PRKG1: variants seen among roughly 807,000 people sequenced by gnomAD.
The protein encoded by PRKG1 is cGMP-dependent protein kinase 1.
Under a neutral mutation model 88.1 loss-of-function variants are expected in PRKG1, and 35 were observed. The ratio of observed to expected loss-of-function variants is 0.40; its 90% CI spans 0.30 to 0.53. The LOEUF (loss-of-function observed/expected upper bound fraction) is 0.53, where lower values mean the gene tolerates loss of function less well. PRKG1 is among the 20% of genes least tolerant of loss of function. The pLI, the probability that PRKG1 is intolerant of heterozygous loss-of-function variation, is 0.59. For missense variants in PRKG1, 540 were observed against 839.8 expected, an observed-to-expected ratio of 0.64 and a Z score of 4.41; for synonymous variants, 303 against 292.5, an observed-to-expected ratio of 1.04 and a Z score of -0.37.
chr10:51,683,539 C>T (rs1840904215), intron 3 of PRKG1, among the ~76,000 whole-genome samples: 2 of 152,174 alleles, frequency 1.3e-5, no homozygotes, highest in African/African-American at 4.8e-5. Context: ...GCCCTCAAAT[C>T]TGTCTTCCTG....
At position 51,366,301 on chromosome 10, in the gene PRKG1, G is replaced by C. The variant is rs74729602; in HGVS notation, c.479-101422G>C. Among the ~76,000 whole-genome samples the C allele has an allele frequency of 3.1e-3, 470 of 152,002 alleles. 1 individual carries two copies. Among genetic ancestry groups the C allele is most frequent in the African/African-American group, 0.011 (445 of 41,508 alleles). ...TCCTAGTAGAACATGGAGTTCATCT[G>C]TGTTTGCAACCACTTATAAGTGGAT... On this transcript the variant is annotated intron_variant, in intron 2 of 17. Coordinates refer to ENST00000373980, the MANE Select transcript of PRKG1 (RefSeq NM_006258.4).
intron 10 of PRKG1, among the ~76,000 whole-genome samples, chr10:52,266,467 G>A (rs183868045): frequency 1.2e-4 from 18 of 151,834 alleles, no homozygotes; most frequent in African/African-American, 3.1e-4. Context: ...GAGAACATGC[G>A]CTGTTTGGTT....
intron 9 of PRKG1, among the ~76,000 whole-genome samples, chr10:52,216,203 A>G (rs140243970): frequency 3.5e-4 from 53 of 152,294 alleles, no homozygotes; most frequent in African/African-American, 1.2e-3. Context: ...CTTCTTAGAC[A>G]CTTCTTAAAC....
rs114952108 is a variant in PRKG1 at position 52,176,374 on chromosome 10, G to T, written c.1076+14411G>T. 2.2e-3 allele frequency among the ~76,000 whole-genome samples: 335 copies of T among 151,610 alleles called. 1 individual carries two copies. Among genetic ancestry groups the T allele is most frequent in the African/African-American group, 7.1e-3 (294 of 41,412 alleles). ...TCTCTAGTCTGGTCTATTTTTTTCT[G>T]TGTCTTTTATTATGCCAGTTTCATG... On this transcript the variant is annotated intron_variant, in intron 9 of 17. Coordinates refer to ENST00000373980, the MANE Select transcript of PRKG1 (RefSeq NM_006258.4).
intron 2 of PRKG1, among the ~76,000 whole-genome samples, chr10:51,315,820 G>T (rs1841303741): frequency 6.6e-6 from 1 of 152,250 alleles, no homozygotes; most frequent in Non-Finnish European, 1.5e-5. Context: ...GAGCATTTCA[G>T]TCAAGAGGGA....
intron 5 of PRKG1, among the ~76,000 whole-genome samples, chr10:52,010,295 A>C (rs984750200): frequency 6.6e-6 from 1 of 152,176 alleles, no homozygotes; most frequent in African/African-American, 2.4e-5. Flanking sequence ...TCTAATTTCC[A>C]GAATCTGTAA....
chr10:51,409,035 A>G (rs1838002776), intron 2 of PRKG1, among the ~76,000 whole-genome samples: 1 of 152,188 alleles, frequency 6.6e-6, no homozygotes, highest in Non-Finnish European at 1.5e-5. Flanking sequence ...GAATCAGTAT[A>G]TAATTGCACA....
intron 3 of PRKG1, among the ~76,000 whole-genome samples, chr10:51,767,850 A>G (rs951274560): frequency 2.6e-5 from 4 of 152,128 alleles, no homozygotes; most frequent in Non-Finnish European, 5.9e-5. Context: ...TTTTGAAGAC[A>G]TTATAAACCC....
intron 5 of PRKG1, among the ~76,000 whole-genome samples, chr10:51,948,477 G>C (rs1400156465): frequency 2.6e-5 from 4 of 151,888 alleles, no homozygotes; most frequent in Middle Eastern, 3.4e-3. Context: ...TAAGGGTTTT[G>C]GATTTCATGT....
At chr10:51,380,906 G>T (rs1312158461) in intron 2 of PRKG1, among the ~76,000 whole-genome samples, 3 of 152,150 alleles carry the variant, frequency 2.0e-5, no homozygotes, top group African/African-American at 7.2e-5. Flanking sequence ...GAACTTGTGT[G>T]CTGGGAGATA....
chr10:51,146,926 AATGTGGTAC>A (rs1845959586), intron 1 of PRKG1, among the ~76,000 whole-genome samples: 1 of 152,228 alleles, frequency 6.6e-6, no homozygotes, highest in Non-Finnish European at 1.5e-5. Flanking sequence ...CAGATAAGGA[AATGTGGTAC>A]ATATACCCAA....
At chr10:51,661,032 T>G (rs1251441465) in intron 3 of PRKG1, among the ~76,000 whole-genome samples, 5 of 38,818 alleles carry the variant, frequency 1.3e-4, no homozygotes, top group Admixed American at 9.0e-4. Context: ...GAGATTTTAT[T>G]GTTGTTGTTG....
intron 9 of PRKG1, among the ~76,000 whole-genome samples, chr10:52,244,911 AATAT>A (rs71032634): frequency 2.2e-4 from 30 of 135,622 alleles, no homozygotes; most frequent in Non-Finnish European, 3.3e-4. Flanking sequence ...AACTTTTTAA[AATAT>A]ATATATATTT....
At chr10:51,012,568 G>A (rs1337612724) in intron 1 of PRKG1, among the ~76,000 whole-genome samples, 1 of 152,128 alleles carries the variant, frequency 6.6e-6, no homozygotes, top group Admixed American at 6.5e-5. Context: ...TCAGAATTAA[G>A]GCACGCATTT....
intron 5 of PRKG1, among the ~76,000 whole-genome samples, chr10:52,018,797 G>A (rs1845108229): frequency 6.6e-6 from 1 of 152,196 alleles, no homozygotes; most frequent in African/African-American, 2.4e-5. Flanking sequence ...AAAGGTGGTA[G>A]GGTTTTTAAG....
chr10:51,749,356 C>A (rs368764927), intron 3 of PRKG1, among the ~76,000 whole-genome samples: 12 of 152,124 alleles, frequency 7.9e-5, no homozygotes, highest in Non-Finnish European at 1.3e-4. Flanking sequence ...CAGGCTGCCA[C>A]GAGCATGGCC....
At chr10:51,031,484 T>C (rs1004387848) in intron 1 of PRKG1, among the ~76,000 whole-genome samples, 10 of 152,132 alleles carry the variant, frequency 6.6e-5, no homozygotes, top group Admixed American at 6.6e-4. Context: ...TAGATATTAT[T>C]TATTATCTAG....
chr10:51,148,956 C>G (rs1006942615), intron 1 of PRKG1, among the ~76,000 whole-genome samples: 1 of 152,054 alleles, frequency 6.6e-6, no homozygotes, highest in African/African-American at 2.4e-5. Flanking sequence ...TTGTAGTCTT[C>G]AAGGTCCTAT....
At chr10:51,727,687 C>T (rs1842170348) in intron 3 of PRKG1, among the ~76,000 whole-genome samples, 2 of 152,030 alleles carry the variant, frequency 1.3e-5, no homozygotes, top group South Asian at 4.1e-4. Context: ...GAGAGTAGTT[C>T]AATAGGCTGG....
Sources: allele counts gnomAD v4.1 joint callset (sites outside exome capture counted in the v4.1 genomes callset), GRCh38; gene constraint gnomAD v4.1.1; transcripts MANE v1.5; gene names NCBI Gene and HGNC (gene_info 2026-07-23, HGNC 2026-07-21).